EYS: variants seen among roughly 807,000 people sequenced by gnomAD.
EYS encodes protein eyes shut homolog.
A neutral mutation model predicts 282.1 loss-of-function variants in EYS; 250 were observed. That is an observed-to-expected ratio of 0.89 (90% confidence interval 0.80 to 0.98). The LOEUF (loss-of-function observed/expected upper bound fraction) is 0.98, where lower values mean the gene tolerates loss of function less well. Ranked by LOEUF, EYS falls within the 50% of genes least tolerant of loss-of-function variation. The probability of loss-of-function intolerance (pLI) is 0.00; values close to 1 mark genes in which losing one functional copy is unlikely to be tolerated. For synonymous variants in EYS, 1,355 were observed against 1,282.9 expected, an observed-to-expected ratio of 1.06 and a Z score of -1.20; for missense variants, 4,016 against 3,709.0, an observed-to-expected ratio of 1.08 and a Z score of -2.15.
rs1281571990 is a variant in EYS at position 63,778,102 on chromosome 6, T to C, written c.7802A>G (p.Asn2601Ser). ...RGLGNPEGHP[N>S]AGRSVGQCHA... ...ACACTGGCCAACACTGCGTCCAGCATTTGGGTGGCCCTCAGGATTTCCCAG... is the reference window on the plus strand; with the variant it reads ...ACACTGGCCAACACTGCGTCCAGCACTTGGGTGGCCCTCAGGATTTCCCAG... The change falls in exon 40 of 43, where the codon AAT (asparagine) becomes AGT (serine). Residue 2601 changes from asparagine (N) to serine (S), a missense_variant. Asn to Ser is a conservative substitution (Grantham distance 46). Coordinates refer to ENST00000503581, the MANE Select transcript of EYS (RefSeq NM_001142800.2). The C allele has an allele frequency of 1.1e-5, 17 of 1,551,788 alleles. No individual in the cohort carries two copies. Among genetic ancestry groups the C allele is most frequent in the Non-Finnish European group, 1.5e-5 (17 of 1,146,952 alleles).
At chr6:65,337,114 T>C (rs1770017541) in intron 10 of EYS, among the ~76,000 whole-genome samples, 1 of 151,506 alleles carries the variant, frequency 6.6e-6, no homozygotes, top group Admixed American at 6.6e-5. Flanking sequence ...TAGATGAATG[T>C]TTCATAGAGA....
At chr6:64,493,683 T>TA (rs953717616) in intron 26 of EYS, among the ~76,000 whole-genome samples, 4 of 151,572 alleles carry the variant, frequency 2.6e-5, no homozygotes, top group African/African-American at 9.7e-5. Context: ...AGTTCTAGCG[T>TA]ACATGTGCAC....
chr6:65,073,507 C>A (rs1326711466), intron 12 of EYS, among the ~76,000 whole-genome samples: 1 of 151,470 alleles, frequency 6.6e-6, no homozygotes, highest in African/African-American at 2.4e-5. Flanking sequence ...ACTTACAGAA[C>A]CCAAACTAGA....
At chr6:64,257,309 T>C (rs1327976831) in intron 30 of EYS, among the ~76,000 whole-genome samples, 1 of 152,050 alleles carries the variant, frequency 6.6e-6, no homozygotes, top group Non-Finnish European at 1.5e-5. Flanking sequence ...CTGAGGACTT[T>C]TAAATGTCAC....
chr6:64,870,663 C>T (rs1043240083), intron 19 of EYS, among the ~76,000 whole-genome samples: 1 of 151,488 alleles, frequency 6.6e-6, no homozygotes, highest in Non-Finnish European at 1.5e-5. Context: ...CTTAAAGATG[C>T]TTAAGAAGTA....
chr6:63,959,327 A>T (rs1233129831), intron 35 of EYS, among the ~76,000 whole-genome samples: 1 of 152,214 alleles, frequency 6.6e-6, no homozygotes, highest in Non-Finnish European at 1.5e-5. Flanking sequence ...ATTTCATGCC[A>T]GTCAGAATAG....
At chr6:63,876,311 G>T (rs1293291087) in intron 35 of EYS, among the ~76,000 whole-genome samples, 1 of 152,132 alleles carries the variant, frequency 6.6e-6, no homozygotes, top group Non-Finnish European at 1.5e-5. Flanking sequence ...CTGTGTTCTG[G>T]TTTGATTGCA....
intron 23 of EYS, among the ~76,000 whole-genome samples, chr6:64,622,799 T>A (rs1767488604): frequency 6.6e-6 from 1 of 152,136 alleles, no homozygotes; most frequent in Non-Finnish European, 1.5e-5. Flanking sequence ...TAAGATAAGA[T>A]AATGGCATGA....
At chr6:65,357,500 A>G (rs940169173) in intron 8 of EYS, among the ~76,000 whole-genome samples, 1 of 152,008 alleles carries the variant, frequency 6.6e-6, no homozygotes, top group East Asian at 1.9e-4. Flanking sequence ...AAGGGGAAAC[A>G]TTAAAATATA....
intron 22 of EYS, among the ~76,000 whole-genome samples, chr6:64,743,731 A>G (rs758263010): frequency 2.6e-5 from 4 of 152,090 alleles, no homozygotes; most frequent in Non-Finnish European, 5.9e-5. Flanking sequence ...TGTTTATTTT[A>G]TTGGAAATAC....
chr6:64,722,831 GA>G (rs1771627241), intron 22 of EYS, among the ~76,000 whole-genome samples: 1 of 152,064 alleles, frequency 6.6e-6, no homozygotes, highest in Admixed American at 6.6e-5. Flanking sequence ...TTTAGAACAT[GA>G]ATAAGTTATA....
intron 14 of EYS, among the ~76,000 whole-genome samples, chr6:64,954,610 G>A (rs897466195): frequency 6.6e-6 from 1 of 152,048 alleles, no homozygotes. Flanking sequence ...AATAATGCAA[G>A]TACACCATGG....
chr6:64,483,883 A>G (rs1441762932), intron 26 of EYS, among the ~76,000 whole-genome samples: 1 of 151,704 alleles, frequency 6.6e-6, no homozygotes, highest in Non-Finnish European at 1.5e-5. Context: ...AAATTCTAAC[A>G]TGTATTGTCT....
chr6:65,347,208 T>C (rs1320115362), intron 9 of EYS, among the ~76,000 whole-genome samples: 1 of 151,850 alleles, frequency 6.6e-6, no homozygotes, highest in South Asian at 2.1e-4. Context: ...AGAAAAATTA[T>C]ATACTTACAG....
chr6:65,002,370 C>T (rs761834), intron 13 of EYS, among the ~76,000 whole-genome samples: 11,609 of 143,516 alleles, frequency 0.081, 1,328 homozygotes, highest in African/African-American at 0.12. Flanking sequence ...TCAAGAGCAG[C>T]AAAAATATGG....
intron 39 of EYS, among the ~76,000 whole-genome samples, chr6:63,785,846 TA>T (rs539571855): frequency 7.9e-5 from 12 of 151,984 alleles, no homozygotes; most frequent in Non-Finnish European, 1.5e-4. Flanking sequence ...CTGTCTCTAA[TA>T]AAAATACAAA....
At chr6:64,887,614 C>A (rs1363961071) in intron 18 of EYS, among the ~76,000 whole-genome samples, 1 of 151,968 alleles carries the variant, frequency 6.6e-6, no homozygotes, top group Non-Finnish European at 1.5e-5. Context: ...TTAGGAAACT[C>A]TTCCTAATTA....
intron 12 of EYS, among the ~76,000 whole-genome samples, chr6:65,178,103 C>T (rs1765273798): frequency 1.3e-5 from 2 of 151,792 alleles, no homozygotes. Context: ...TTACTGGCAC[C>T]CCCCGAGTAT....
rs551976920 is a variant in EYS at position 65,532,287 on chromosome 6, C to T, written c.-332-36294G>A. On this transcript the variant is annotated intron_variant, in intron 2 of 42. Coordinates refer to ENST00000503581, the MANE Select transcript of EYS (RefSeq NM_001142800.2). ...AAGAAAGTCTATATTTACTCTGGTA[C>T]GTATTTTAAAGCCTTCATATTTCTA... Among the ~76,000 whole-genome samples the T allele has an allele frequency of 4.6e-5, 7 of 152,118 alleles. 1 individual carries two copies. Among genetic ancestry groups the T allele is most frequent in the African/African-American group, 1.2e-4 (5 of 41,528 alleles).
Sources: gnomAD v4.1 joint callset for allele counts (sites outside exome capture counted in the v4.1 genomes callset) on GRCh38, gnomAD v4.1.1 for gene constraint, MANE v1.5 for transcripts, NCBI Gene and HGNC (gene_info 2026-07-23, HGNC 2026-07-21) for gene names.